UBR2: variants seen among roughly 807,000 people sequenced by gnomAD.
UBR2 encodes the protein ubiquitin protein ligase E3 component n-recognin 2, also known as E3 ubiquitin-protein ligase UBR2.
UBR2 carries 92 observed loss-of-function variants against 247.9 expected under a neutral mutation model. The observed-to-expected ratio is 0.37, with a 90% confidence interval of 0.31 to 0.44. The LOEUF (loss-of-function observed/expected upper bound fraction) is 0.44. Ranked by LOEUF, UBR2 falls within the 20% of genes least tolerant of loss-of-function variation. The pLI, the probability that UBR2 is intolerant of heterozygous loss-of-function variation, is 1.00. For synonymous variants in UBR2, 672 were observed against 693.5 expected, an observed-to-expected ratio of 0.97 and a Z score of 0.49; for missense variants, 1,613 against 2,112.6, an observed-to-expected ratio of 0.76 and a Z score of 4.64.
chr6:42,664,595 C>T (rs1310986408), intron 32 of UBR2, among the ~76,000 whole-genome samples: 1 of 152,190 alleles, frequency 6.6e-6, no homozygotes, highest in Non-Finnish European at 1.5e-5. Flanking sequence ...TATGCTACCA[C>T]AAAATGTTCT....
intron 2 of UBR2, 44 bp from the exon 3 acceptor site, chr6:42,592,107 T>C (rs1479614508): frequency 3.8e-5 from 57 of 1,505,806 alleles, no homozygotes; most frequent in Non-Finnish European, 4.8e-5. Context: ...GTGAAATATA[T>C]AGTTATTTTC....
chr6:42,651,782 C>T (rs773804078), intron 23 of UBR2, among the ~76,000 whole-genome samples: 5 of 152,036 alleles, frequency 3.3e-5, no homozygotes, highest in Non-Finnish European at 5.9e-5. Flanking sequence ...TGAGCTGCCA[C>T]GCCCCGGCCT....
chr6:42,648,169 A>G lies in UBR2; in HGVS notation c.2461A>G (p.Lys821Glu). The change falls in exon 22 of 47, where the codon AAG becomes GAG. Residue 821 changes from lysine (K) to glutamate (E), a missense_variant and splice_region_variant. Physicochemically the swap from Lys to Glu is moderately conservative, Grantham distance 56. Around this residue, in one of 3 missense-constraint regions of UBR2, gnomAD observed 1,524 missense variants for 1,967.3 expected, o/e 0.77. Coordinates refer to ENST00000372901, the MANE Select transcript of UBR2 (RefSeq NM_001363705.2). ...TGTAATCGAAGCAGTTGCCCATTTC[A>G]AGTGAGTTTACTTCCTATTATTTCA... is the stretch of plus-strand genomic sequence containing the variant. Reference protein sequence around the residue: ...ESVIEAVAHFKKPGLTGRGMY... With the variant: ...ESVIEAVAHFEKPGLTGRGMY... The G allele has an allele frequency of 6.2e-7, 1 of 1,613,284 alleles. No individual in the cohort carries two copies. Among genetic ancestry groups the G allele is most frequent in the Non-Finnish European group, 8.5e-7 (1 of 1,179,236 alleles).
chr6:42,662,150 C>G, intron 30 of UBR2, 34 bp from the exon 31 acceptor site: 1 of 1,353,402 alleles, frequency 7.4e-7, no homozygotes, highest in Non-Finnish European at 1.0e-6. Context: ...AAATGCTTCA[C>G]TTTTGTTTTG....
At chr6:42,648,361 C>T (rs1796906543) in intron 22 of UBR2, among the ~76,000 whole-genome samples, 191 bp downstream of exon 22, 2 of 152,192 alleles carry the variant, frequency 1.3e-5, no homozygotes, top group African/African-American at 4.8e-5. Flanking sequence ...CTGTACTCAG[C>T]AACGTAAAGT....
At chr6:42,631,304 G>A (rs1180339441) in intron 11 of UBR2, among the ~76,000 whole-genome samples, 1 of 152,108 alleles carries the variant, frequency 6.6e-6, no homozygotes, top group Non-Finnish European at 1.5e-5. Context: ...AGTAACATTA[G>A]ACTTTCTGAC....
chr6:42,618,228 A>G (rs1010539537), intron 11 of UBR2, among the ~76,000 whole-genome samples: 2 of 152,208 alleles, frequency 1.3e-5, no homozygotes, highest in African/African-American at 2.4e-5. Flanking sequence ...CTTTTCCCAC[A>G]CTTCAGGGCT....
At chr6:42,639,595 A>C (rs1796300712) in intron 15 of UBR2, among the ~76,000 whole-genome samples, 1 of 152,104 alleles carries the variant, frequency 6.6e-6, no homozygotes, top group African/African-American at 2.4e-5. Flanking sequence ...CTAAACCAAA[A>C]GTTCTGGGGA....
chr6:42,653,637 G>A (rs1217283400), intron 25 of UBR2, among the ~76,000 whole-genome samples: 2 of 33,228 alleles, frequency 6.0e-5, no homozygotes, highest in Non-Finnish European at 1.1e-4. Flanking sequence ...TTTTTTTTGA[G>A]ACAGTTTTGC....
chr6:42,592,025 CT>C, intron 2 of UBR2, 125 bp from the exon 3 acceptor site: 1 of 914,518 alleles, frequency 1.1e-6, no homozygotes, highest in African/African-American at 1.7e-5. Flanking sequence ...ATGATACTTC[CT>C]TTTTTAAAAC....
Position 42,662,181 on chromosome 6 carries a change from C to T in UBR2, c.3443-3C>T. 6.3e-7 allele frequency: 1 copy of T among 1,582,422 alleles called. No homozygotes were observed. The highest frequency in any genetic ancestry group is 8.6e-7 in the Non-Finnish European group (1 of 1,160,980). ...TTTTGTTTTGTTTTGTTTTGTAATGCAGAAAAATATGATCCATTATTCATG... is the reference window on the plus strand; with the variant it reads ...TTTTGTTTTGTTTTGTTTTGTAATGTAGAAAAATATGATCCATTATTCATG... On this transcript the variant is annotated splice_region_variant and splice_polypyrimidine_tract_variant and intron_variant, in intron 30 of 46. Coordinates refer to ENST00000372901, the MANE Select transcript of UBR2 (RefSeq NM_001363705.2).
chr6:42,666,115 T>C (rs1382480403), intron 33 of UBR2, 52 bp from the exon 34 acceptor site: 1 of 1,490,552 alleles, frequency 6.7e-7, no homozygotes, highest in African/African-American at 1.4e-5. Flanking sequence ...GGCTGTACTT[T>C]TAGGAATATT....
intron 44 of UBR2, among the ~76,000 whole-genome samples, chr6:42,686,691 C>A (rs1562405967): frequency 6.8e-6 from 1 of 147,166 alleles, no homozygotes; most frequent in Non-Finnish European, 1.5e-5. Flanking sequence ...GACGGGGCGG[C>A]TGGCCGGGTG....
In UBR2 at chr6:42,689,273, A is replaced by C. The variant is rs1799617031; in HGVS notation, c.5025-296A>C. 6.6e-6 allele frequency among the ~76,000 whole-genome samples: 1 copy of C among 152,198 alleles called. No homozygotes were observed. The highest frequency in any genetic ancestry group is 1.5e-5 in the Non-Finnish European group (1 of 68,046). On this transcript the variant is annotated intron_variant, in intron 45 of 46. Coordinates refer to ENST00000372901, the MANE Select transcript of UBR2 (RefSeq NM_001363705.2). This position sits in a 1 kb window ranked among gnomAD's most constrained non-coding sequence, Gnocchi z 4.0. ...GGAGCATAGGTTGTATCCATAGCTT[A>C]GTCATCCCCCCAGTACCTTGATAAT...
rs938831850 is a variant in UBR2, at chr6:42,657,201, C to A, written c.2873-823C>A. ...AGTGATCCGAGATTACACCACTGCA[C>A]TCCAGCCTGGGCGACAGAGTGAGAC... On this transcript the variant is annotated intron_variant, in intron 26 of 46. Transcript: ENST00000372901. 4.7e-5 allele frequency among the ~76,000 whole-genome samples: 7 copies of A among 149,116 alleles called. No homozygotes were observed. In the East Asian group the frequency reaches 1.4e-3, roughly 30 times the overall value.
At chr6:42,669,458 G>C (rs997045237) in intron 34 of UBR2, among the ~76,000 whole-genome samples, 2 of 152,046 alleles carry the variant, frequency 1.3e-5, no homozygotes, top group African/African-American at 4.8e-5. Flanking sequence ...TTAGCTCACT[G>C]TTGCCCCTCT....
chr6:42,672,009 A>G lies in UBR2; in HGVS notation c.4086+1294A>G, dbSNP rs149832451. 4.9e-3 allele frequency among the ~76,000 whole-genome samples: 749 copies of G among 151,866 alleles called. 3 individuals are homozygous for G. Among genetic ancestry groups the G allele is most frequent in the Non-Finnish European group, 7.8e-3 (532 of 67,980 alleles). The stretch of plus-strand genomic sequence containing the variant: ...CCCTGTTTTAGTTAATTTCACCACT[A>G]TTCATCCAGGAGAAACCAGAAAATT... On this transcript the variant is annotated intron_variant, in intron 36 of 46. Coordinates refer to ENST00000372901, the MANE Select transcript of UBR2 (RefSeq NM_001363705.2).
Position 42,659,782 on chromosome 6 carries a change from A to G in UBR2, c.3369A>G (p.Ala1123=). 1 of 1,614,210 alleles carries G rather than the reference A, an allele frequency of 6.2e-7. No individual in the cohort carries two copies. Among genetic ancestry groups the G allele is most frequent in the South Asian group, 1.1e-5 (1 of 91,086 alleles). ...AAGAAGTTAAAGTGGAAAGCAGGGC[A>G]ATGGTCTTGGCAGCATTTGTTCAGA... ...EEQEVKVESR[A]MVLAAFVQRS... The change falls in exon 30 of 47, where the codon GCA becomes GCG. Residue 1123 remains alanine, a synonymous_variant. Transcript: ENST00000372901. The surrounding 1 kb of genome is among the most constrained non-coding windows in gnomAD (Gnocchi z 4.3).
At chr6:42,670,815 C>A in intron 36 of UBR2, 100 bp downstream of exon 36, 1 of 834,580 alleles carries the variant, frequency 1.2e-6, no homozygotes, top group Non-Finnish European at 1.9e-6. Context: ...CTTACACCTT[C>A]ACTTCTTTCG....
Sources: gnomAD v4.1 joint callset for allele counts (sites outside exome capture counted in the v4.1 genomes callset) on GRCh38, gnomAD v4.1.1 for gene constraint, gnomAD v4.1.1 regional missense constraint, Gnocchi (gnomAD v3.1) non-coding constraint, MANE v1.5 for transcripts, NCBI Gene and HGNC (gene_info 2026-07-23, HGNC 2026-07-21) for gene names.